ADCY3: variants seen among roughly 807,000 people sequenced by gnomAD.
The protein encoded by ADCY3 is adenylate cyclase type 3.
ADCY3 carries 70 observed loss-of-function variants against 119.4 expected under a neutral mutation model. The ratio of observed to expected loss-of-function variants is 0.59; its 90% CI spans 0.48 to 0.72. The LOEUF is 0.72. Among genes scored for constraint, ADCY3 ranks in the 30% least tolerant of loss-of-function variants. The pLI is 0.00. For missense variants in ADCY3, 1,238 were observed against 1,541.6 expected, an observed-to-expected ratio of 0.80 and a Z score of 3.30; for synonymous variants, 672 against 621.4, an observed-to-expected ratio of 1.08 and a Z score of -1.21.
Position 24,831,654 on chromosome 2 carries a change from C to A in ADCY3, c.2055+8G>T. On this transcript the variant is annotated splice_region_variant and intron_variant, in intron 12 of 21. Coordinates refer to ENST00000679454, the MANE Select transcript of ADCY3 (RefSeq NM_004036.5). ...GGCTTCTGAGCTCAGTAGAAAAGTG[C>A]CTCTTACCCGGGGAAAGATGGCAGC... is the stretch of plus-strand genomic sequence containing the variant. 2 of 1,612,714 alleles carry A rather than the reference C, an allele frequency of 1.2e-6. No individual in the cohort carries two copies. Among genetic ancestry groups the A allele is most frequent in the African/African-American group, 1.3e-5 (1 of 75,034 alleles).
intron 2 of ADCY3, among the ~76,000 whole-genome samples, chr2:24,890,591 T>A (rs1022599061): frequency 1.3e-5 from 2 of 152,220 alleles, no homozygotes; most frequent in Non-Finnish European, 2.9e-5. Context: ...CACAGAGTTG[T>A]TTATGACATC....
At position 24,919,869 on chromosome 2, in the gene ADCY3, C is replaced by T. The variant is rs1219160974; in HGVS notation, c.-384G>A. ...CCGACCGGGAGAGGCGCAGGGCTGC[C>T]CCTCAGCATCCGCGGGCGCCCGGCC... On this transcript the variant is annotated 5_prime_UTR_variant, in exon 1 of 22. Transcript: ENST00000679454. This position sits in a 1 kb window ranked among gnomAD's most constrained non-coding sequence, Gnocchi z 5.5. 6.6e-6 allele frequency: 1 copy of T among 150,876 alleles called. No individual in the cohort carries two copies. Among genetic ancestry groups the T allele is most frequent in the Non-Finnish European group, 1.5e-5 (1 of 67,596 alleles). 9.3% of individuals were successfully genotyped at this position (150,876 alleles called of 1,614,324 possible).
At chr2:24,822,777 G>A (rs1667973127) in intron 18 of ADCY3, 147 bp from the exon 19 acceptor site, 4 of 1,129,168 alleles carry the variant, frequency 3.5e-6, no homozygotes, top group Non-Finnish European at 4.9e-6. Context: ...CCGCTTATCT[G>A]CCACATGATC....
intron 17 of ADCY3, 78 bp from the exon 18 acceptor site, chr2:24,823,433 C>T: frequency 6.6e-7 from 1 of 1,504,176 alleles, no homozygotes. Context: ...CATCTATCTT[C>T]CATGCATGAC....
chr2:24,834,692 T>G lies in ADCY3; in HGVS notation c.1806-46A>C, dbSNP rs760165666. 3 of 1,606,520 alleles carry G rather than the reference T, an allele frequency of 1.9e-6. No individual in the cohort carries two copies. Among genetic ancestry groups the G allele is most frequent in the Non-Finnish European group, 2.6e-6 (3 of 1,173,866 alleles). On this transcript the variant is annotated intron_variant, in intron 10 of 21. Coordinates refer to ENST00000679454, the MANE Select transcript of ADCY3 (RefSeq NM_004036.5). The surrounding 1 kb of genome is among the most constrained non-coding windows in gnomAD (Gnocchi z 4.2). ...ATGAATCCCAAATGCCACATCTGCC[T>G]TGGCCTAGCAGGGGGGCCGTATTTG... is the stretch of plus-strand genomic sequence containing the variant.
At chr2:24,851,558 C>T (rs1672297140) in intron 3 of ADCY3, among the ~76,000 whole-genome samples, 1 of 152,168 alleles carries the variant, frequency 6.6e-6, no homozygotes, top group African/African-American at 2.4e-5. Flanking sequence ...TCTGAGACCC[C>T]TGGAATGGGT....
rs1053453392 is a variant in ADCY3, at chr2:24,918,472, C to G, written c.516G>C (p.Gln172His). 6.2e-7 allele frequency: 1 copy of G among 1,613,946 alleles called. No individual in the cohort carries two copies. The highest frequency in any genetic ancestry group is 1.3e-5 in the African/African-American group (1 of 74,934). Residue 172 changes from glutamine (Q) to histidine (H), a missense_variant, in exon 2 of 22, where the codon CAG becomes CAC. Transcript: ENST00000679454. This position sits in a 1 kb window ranked among gnomAD's most constrained non-coding sequence, Gnocchi z 5.4. Reference protein sequence around the residue: ...AHAASDTVGWQVFFVFSFFIT... With the variant: ...AHAASDTVGWHVFFVFSFFIT... ...TGAAGAAGGAGAAGACAAAGAAGAC[C>G]TGCCAGCCCACCGTGTCACTAGCCG...
intron 3 of ADCY3, among the ~76,000 whole-genome samples, chr2:24,862,329 G>A (rs1673762882): frequency 1.3e-5 from 2 of 152,144 alleles, no homozygotes; most frequent in African/African-American, 4.8e-5. Flanking sequence ...GGCGGATCAC[G>A]AGGTCAGGAG....
chr2:24,875,424 A>G (rs1004123496), intron 2 of ADCY3, among the ~76,000 whole-genome samples: 1 of 152,210 alleles, frequency 6.6e-6, no homozygotes, highest in Non-Finnish European at 1.5e-5. Context: ...CACAGCCTCC[A>G]GGGCCAGGCC....
intron 11 of ADCY3, among the ~76,000 whole-genome samples, chr2:24,833,772 T>TTG (rs1328430460): frequency 6.6e-6 from 1 of 152,094 alleles, no homozygotes; most frequent in Non-Finnish European, 1.5e-5. Flanking sequence ...AGGGCAGGGG[T>TTG]TGTTCTCCTC....
At chr2:24,884,263 C>G (rs1294606814) in intron 2 of ADCY3, among the ~76,000 whole-genome samples, 1 of 152,030 alleles carries the variant, frequency 6.6e-6, no homozygotes, top group Non-Finnish European at 1.5e-5. Context: ...CACAGAATCC[C>G]CGGCATCTGC....
chr2:24,854,853 C>G (rs1672813929), intron 3 of ADCY3, among the ~76,000 whole-genome samples: 1 of 152,128 alleles, frequency 6.6e-6, no homozygotes, highest in South Asian at 2.1e-4. Flanking sequence ...AGTTCAAGAC[C>G]AGCCTGGGCC....
chr2:24,918,618 G>A lies in ADCY3; in HGVS notation c.370C>T (p.Leu124Phe), dbSNP rs1160906463. The change falls in exon 2 of 22, where the codon CTC becomes TTC. Residue 124 changes from leucine to phenylalanine, a missense_variant. Around this residue, in one of 7 missense-constraint regions of ADCY3, gnomAD observed 227 missense variants for 249.3 expected, o/e 0.91. Coordinates refer to ENST00000679454, the MANE Select transcript of ADCY3 (RefSeq NM_004036.5). This position sits in a 1 kb window ranked among gnomAD's most constrained non-coding sequence, Gnocchi z 5.4. The part of the protein sequence containing the change: ...GLVLDIILFV[L>F]CKKGLLPDRV... ...TCCGGGAGCAGCCCCTTTTTGCAGA[G>A]CACGAAGAGGATGATGTCCAACACC... The A allele has an allele frequency of 1.2e-6, 2 of 1,614,174 alleles. No homozygotes were observed. The highest frequency in any genetic ancestry group is 8.5e-7 in the Non-Finnish European group (1 of 1,180,030).
chr2:24,884,304 T>C (rs1032319769), intron 2 of ADCY3, among the ~76,000 whole-genome samples: 2 of 152,078 alleles, frequency 1.3e-5, no homozygotes, highest in African/African-American at 4.8e-5. Context: ...GATTCTCTTC[T>C]ACAGAATCAC....
intron 2 of ADCY3, among the ~76,000 whole-genome samples, chr2:24,880,062 C>G (rs1236510150): frequency 6.6e-6 from 1 of 152,226 alleles, no homozygotes; most frequent in Non-Finnish European, 1.5e-5. Flanking sequence ...TGCTGCCATG[C>G]CCTTCCGAGC....
chr2:24,885,898 G>A (rs1278062878), intron 2 of ADCY3, among the ~76,000 whole-genome samples: 1 of 152,022 alleles, frequency 6.6e-6, no homozygotes. Context: ...CCAAGCTGAC[G>A]TCCTCAGCAT....
intron 19 of ADCY3, 181 bp from the exon 20 acceptor site, chr2:24,821,821 C>A: frequency 1.2e-6 from 1 of 862,026 alleles, no homozygotes; most frequent in Non-Finnish European, 1.7e-6. Flanking sequence ...TGACAAAGTT[C>A]ACGTAGCAGG....
chr2:24,917,037 C>A (rs1664544943), intron 2 of ADCY3, among the ~76,000 whole-genome samples: 2 of 152,232 alleles, frequency 1.3e-5, no homozygotes, highest in Admixed American at 1.3e-4. Flanking sequence ...CCTGCCAGGC[C>A]CTGCCTATGT....
intron 3 of ADCY3, among the ~76,000 whole-genome samples, chr2:24,855,153 C>T (rs1015893603): frequency 3.9e-5 from 6 of 152,090 alleles, no homozygotes; most frequent in Admixed American, 2.6e-4. Flanking sequence ...AAAAAGGCCC[C>T]GGTCCAGCTT....
Sources: allele counts gnomAD v4.1 joint callset (sites outside exome capture counted in the v4.1 genomes callset), GRCh38; gene constraint gnomAD v4.1.1; regional missense constraint gnomAD v4.1.1; non-coding constraint Gnocchi (gnomAD v3.1); transcripts MANE v1.5; gene names NCBI Gene and HGNC (gene_info 2026-07-23, HGNC 2026-07-21).